MARCHF7: variants seen among roughly 807,000 people sequenced by gnomAD.
The protein encoded by MARCHF7 is membrane associated ring-CH-type finger 7.
MARCHF7 carries 20 observed loss-of-function variants against 76.5 expected under a neutral mutation model. That is an observed-to-expected ratio of 0.26 (90% CI 0.18 to 0.38). The LOEUF (loss-of-function observed/expected upper bound fraction) is 0.38. MARCHF7 is among the 10% of genes least tolerant of loss of function. MARCHF7 has a pLI of 1.00. For synonymous variants in MARCHF7, 295 were observed against 293.0 expected, an observed-to-expected ratio of 1.01 and a Z score of -0.07; for missense variants, 797 against 812.9, an observed-to-expected ratio of 0.98 and a Z score of 0.24.
chr2:159,736,007 G>T (rs1167859526), intron 4 of MARCHF7, among the ~76,000 whole-genome samples: 1 of 152,174 alleles, frequency 6.6e-6, no homozygotes, highest in Non-Finnish European at 1.5e-5. Flanking sequence ...CACACCTGTA[G>T]TCCTAACTTT....
rs1268441908 is a variant in MARCHF7, at chr2:159,768,848, G to A, written c.*1506G>A. On this transcript the variant is annotated 3_prime_UTR_variant, in exon 12 of 12. Coordinates refer to ENST00000409175, the MANE Select transcript of MARCHF7 (RefSeq NM_001282805.2). Reference sequence around the variant, plus strand: ...TTTAATAAAATTCAGTATGACAGTTGTCTTCTGCTTAACCCATAAAACTTT... The same window carrying A: ...TTTAATAAAATTCAGTATGACAGTTATCTTCTGCTTAACCCATAAAACTTT... The A allele has an allele frequency of 6.6e-6, 1 of 152,044 alleles. No homozygotes were observed. The highest frequency in any genetic ancestry group is 1.5e-5 in the Non-Finnish European group (1 of 67,970). The allele number at this position is 152,044 out of a possible 1,614,324, so 9.4% of individuals were successfully genotyped here. A position where few individuals can be genotyped will look rare whatever the true frequency, so the allele number is the denominator to read the frequency against.
chr2:159,725,072 C>G (rs1340216501), intron 3 of MARCHF7, among the ~76,000 whole-genome samples: 1 of 152,282 alleles, frequency 6.6e-6, no homozygotes, highest in South Asian at 2.1e-4. Context: ...TTGCTTTATC[C>G]AGTCTATCAT....
chr2:159,734,012 TA>T, intron 4 of MARCHF7: 1 of 1,349,282 alleles, frequency 7.4e-7, no homozygotes, highest in Non-Finnish European at 9.7e-7. Flanking sequence ...TTACTTCTGC[TA>T]TCCCATCTTT....
intron 1 of MARCHF7, among the ~76,000 whole-genome samples, 180 bp from the exon 2 acceptor site, chr2:159,714,377 A>G (rs1161394806): frequency 6.6e-6 from 1 of 152,236 alleles, no homozygotes. Flanking sequence ...AGACTAATGT[A>G]TAAACAACTA....
chr2:159,721,876 G>T (rs563862138), intron 3 of MARCHF7, among the ~76,000 whole-genome samples: 181 of 152,214 alleles, frequency 1.2e-3, no homozygotes, highest in African/African-American at 4.1e-3. Context: ...ATGAAGCTTG[G>T]AGCCCACACC....
chr2:159,748,973 CTTTTCTTTTTTT>C lies in MARCHF7; in HGVS notation c.1613+75_1613+86del, dbSNP rs1302392864. The C allele has an allele frequency of 5.3e-5, 36 of 684,698 alleles. 1 individual carries two copies. Among genetic ancestry groups the C allele is most frequent in the African/African-American group, 2.6e-4 (9 of 35,018 alleles). The allele number at this position is 684,698 out of a possible 1,614,324, so 42.4% of individuals were successfully genotyped here. On this transcript the variant is annotated intron_variant, in intron 7 of 11. Transcript: ENST00000409175. ...AAAGAACTCTTCATTTCTTTTTTTT[CTTTTCTTTTTTT>C]TTTTTTTTTTTGAGACGGAGTCTCA...
intron 5 of MARCHF7, among the ~76,000 whole-genome samples, chr2:159,743,489 C>T (rs1704394484): frequency 6.6e-6 from 1 of 152,062 alleles, no homozygotes; most frequent in South Asian, 2.1e-4. Flanking sequence ...ATTAGAATAG[C>T]TGGTATTTTA....
intron 7 of MARCHF7, among the ~76,000 whole-genome samples, chr2:159,750,815 C>G (rs1404805698): frequency 1.3e-5 from 2 of 151,442 alleles, no homozygotes; most frequent in Non-Finnish European, 2.9e-5. Flanking sequence ...TTCTTTTTCA[C>G]AAAGGCCTAA....
intron 10 of MARCHF7, among the ~76,000 whole-genome samples, chr2:159,763,376 A>G (rs1244171659): frequency 1.3e-5 from 2 of 152,212 alleles, no homozygotes; most frequent in African/African-American, 4.8e-5. Flanking sequence ...ATTAACTTCA[A>G]TTTATTTGTT....
chr2:159,749,539 G>C (rs1056101003), intron 7 of MARCHF7, among the ~76,000 whole-genome samples: 13 of 151,640 alleles, frequency 8.6e-5, no homozygotes, highest in Admixed American at 5.9e-4. Flanking sequence ...GTAGAGGCAG[G>C]GTTTCACCAC....
At chr2:159,728,724 A>T (rs185612657) in intron 3 of MARCHF7, among the ~76,000 whole-genome samples, 329 of 152,330 alleles carry the variant, frequency 2.2e-3, no homozygotes, top group African/African-American at 7.2e-3. Context: ...TATGTAATAG[A>T]CAAAATTGAG....
At chr2:159,750,092 G>A (rs926434023) in intron 7 of MARCHF7, among the ~76,000 whole-genome samples, 13 of 152,158 alleles carry the variant, frequency 8.5e-5, no homozygotes, top group Admixed American at 8.5e-4. Flanking sequence ...TTTTTGTAGA[G>A]ACAGGGTCTC....
rs576623709 is a variant in MARCHF7 at position 159,745,222 on chromosome 2, G to A, written c.347-548G>A. ...TTGAGACATTGACATTGTGTATGGG[G>A]TAGATTTTAATGTTAGGCAGAGAAG... is the stretch of plus-strand genomic sequence containing the variant. On this transcript the variant is annotated intron_variant, in intron 5 of 11. Coordinates refer to ENST00000409175, the MANE Select transcript of MARCHF7 (RefSeq NM_001282805.2). Among the ~76,000 whole-genome samples, 19 of 152,290 alleles carry A rather than the reference G, an allele frequency of 1.2e-4. 1 individual carries two copies. Among genetic ancestry groups the A allele is most frequent in the African/African-American group, 4.3e-4 (18 of 41,564 alleles).
chr2:159,727,402 A>G lies in MARCHF7; in HGVS notation c.-14-1607A>G, dbSNP rs538484414. On this transcript the variant is annotated intron_variant, in intron 3 of 11. Transcript: ENST00000409175. ...GGAGATCGAGACCATCCTGGTTAAC[A>G]TGGTGAAACCCCGTCTCTACTAAAA... Among the ~76,000 whole-genome samples the G allele has an allele frequency of 5.9e-5, 9 of 152,216 alleles. No homozygotes were observed. In the South Asian group the frequency reaches 6.2e-4, roughly 11 times the overall value.
chr2:159,739,899 G>C (rs1703927503), intron 4 of MARCHF7, among the ~76,000 whole-genome samples: 1 of 152,164 alleles, frequency 6.6e-6, no homozygotes, highest in South Asian at 2.1e-4. Flanking sequence ...CATGAAAATT[G>C]TTTAATGAAC....
In MARCHF7 at chr2:159,769,594, C is replaced by T. The variant is rs1708068338; in HGVS notation, c.*2252C>T. ...CTGCAAGGCGGAGATTGGAGAGAGC[C>T]AAGATCGAGCCACTGCACTGTAGCC... is the stretch of plus-strand genomic sequence containing the variant. On this transcript the variant is annotated 3_prime_UTR_variant, in exon 12 of 12. Coordinates refer to ENST00000409175, the MANE Select transcript of MARCHF7 (RefSeq NM_001282805.2). The T allele has an allele frequency of 6.6e-6, 1 of 152,016 alleles. No homozygotes were observed. The highest frequency in any genetic ancestry group is 6.6e-5 in the Admixed American group (1 of 15,248). 9.4% of individuals were successfully genotyped at this position (152,016 alleles called of 1,614,324 possible). A position where few individuals can be genotyped will look rare whatever the true frequency, so the allele number is the denominator to read the frequency against.
intron 4 of MARCHF7, among the ~76,000 whole-genome samples, chr2:159,734,833 AAAAG>A (rs1011962944): frequency 6.6e-6 from 1 of 151,176 alleles, no homozygotes; most frequent in African/African-American, 2.4e-5. Flanking sequence ...AAAAAAAAAA[AAAAG>A]CCAGGCATGG....
chr2:159,745,384 G>A (rs1704727565), intron 5 of MARCHF7, among the ~76,000 whole-genome samples: 3 of 152,270 alleles, frequency 2.0e-5, no homozygotes, highest in Admixed American at 6.5e-5. Context: ...GGCCGGGTGC[G>A]GTGGCTCGTG....
intron 4 of MARCHF7, among the ~76,000 whole-genome samples, chr2:159,736,850 G>A (rs187423657): frequency 6.6e-6 from 1 of 152,202 alleles, no homozygotes; most frequent in Non-Finnish European, 1.5e-5. Context: ...TCTCCAAGCT[G>A]TCTTATTGAT....
Sources: gnomAD v4.1 joint callset for allele counts (sites outside exome capture counted in the v4.1 genomes callset) on GRCh38, gnomAD v4.1.1 for gene constraint, MANE v1.5 for transcripts, NCBI Gene and HGNC (gene_info 2026-07-23, HGNC 2026-07-21) for gene names.